The following CD96 variants were observed in gnomAD, a reference collection of about 807,000 sequenced individuals.
The protein encoded by CD96 is T-cell surface protein tactile.
Under a neutral mutation model 71.3 loss-of-function variants are expected in CD96, and 70 were observed. The ratio of observed to expected loss-of-function variants is 0.98; its 90% confidence interval spans 0.81 to 1.20. CD96 has a LOEUF of 1.20. Ranked by LOEUF, CD96 falls within the 50% of genes most tolerant of loss-of-function variation. CD96 has a pLI of 0.00. For missense variants in CD96, 742 were observed against 677.5 expected, an observed-to-expected ratio of 1.10 and a Z score of -1.06; for synonymous variants, 248 against 233.0, an observed-to-expected ratio of 1.06 and a Z score of -0.59.
chr3:111,649,931 G>A lies in CD96; in HGVS notation c.*125G>A, dbSNP rs116117825. On this transcript the variant is annotated 3_prime_UTR_variant, in exon 14 of 14. Coordinates refer to ENST00000352690, the MANE Select transcript of CD96 (RefSeq NM_005816.5). ...GCTGCAGCTGAAATGGAAGTCAGAA[G>A]TGAGTGACCTGTTTTCCCAGCAACT... is the stretch of plus-strand genomic sequence containing the variant. The A allele has an allele frequency of 2.6e-3, 1,866 of 731,622 alleles. 20 individuals carry two copies. Among genetic ancestry groups the A allele is most frequent in the African/African-American group, 0.021 (1,242 of 57,980 alleles). 45.3% of individuals were successfully genotyped at this position (731,622 alleles called of 1,614,324 possible). A position where few individuals can be genotyped will look rare whatever the true frequency, so the allele number is the denominator to read the frequency against.
rs1377294159 is a variant in CD96 at position 111,626,325 on chromosome 3, A to AG, written c.1321+1921_1321+1922insG. On this transcript the variant is annotated intron_variant, in intron 10 of 13. Transcript: ENST00000352690. The stretch of plus-strand genomic sequence containing the variant: ...CCGTCTCAAAAAAAAAAAAAAAAAA[A>AG]AAAGAAATGCTCAGTGTCTCTGGTA... 7.2e-4 allele frequency among the ~76,000 whole-genome samples: 109 copies of AG among 151,554 alleles called. 1 individual carries two copies. The highest frequency in any genetic ancestry group is 2.4e-3 in the African/African-American group (99 of 41,392).
intron 12 of CD96, among the ~76,000 whole-genome samples, chr3:111,645,475 T>G (rs970546106): frequency 1.3e-5 from 2 of 152,044 alleles, no homozygotes; most frequent in African/African-American, 4.8e-5. Context: ...ACTAAAGAAC[T>G]TACTCATATA....
intron 3 of CD96, chr3:111,570,760 C>T: frequency 6.2e-7 from 1 of 1,613,594 alleles, no homozygotes; most frequent in Non-Finnish European, 8.5e-7. Flanking sequence ...TCCTCCCCCT[C>T]CTCATCCTCT....
chr3:111,637,942 C>T (rs1939413830), intron 11 of CD96, 137 bp from the exon 12 acceptor site: 2 of 707,304 alleles, frequency 2.8e-6, no homozygotes, highest in Non-Finnish European at 2.6e-6. Context: ...TCTTAATAAA[C>T]TTTACACATA....
intron 13 of CD96, among the ~76,000 whole-genome samples, chr3:111,647,978 A>G (rs1367229719): frequency 6.6e-6 from 1 of 152,172 alleles, no homozygotes; most frequent in Non-Finnish European, 1.5e-5. Flanking sequence ...TTTTTCTTTT[A>G]ATCTTCATTA....
At chr3:111,570,557 C>T (rs1935930896) in intron 3 of CD96, 3 of 1,347,798 alleles carry the variant, frequency 2.2e-6, no homozygotes, top group Middle Eastern at 2.4e-4. Flanking sequence ...CCTGGCCAGA[C>T]ATCAGGGGGC....
chr3:111,617,512 G>T (rs1357813371), intron 8 of CD96, among the ~76,000 whole-genome samples: 2 of 152,184 alleles, frequency 1.3e-5, no homozygotes, highest in East Asian at 3.9e-4. Context: ...GTGGGAGGGA[G>T]CTACCCACTA....
intron 3 of CD96, among the ~76,000 whole-genome samples, chr3:111,576,285 ATCTG>A (rs1472304037): frequency 6.6e-6 from 1 of 152,174 alleles, no homozygotes; most frequent in African/African-American, 2.4e-5. Flanking sequence ...TCTTGCCTCT[ATCTG>A]TCTGTTTCCT....
intron 14 of CD96, among the ~76,000 whole-genome samples, chr3:111,657,428 C>A (rs933902315): frequency 2.7e-5 from 4 of 150,762 alleles, no homozygotes; most frequent in South Asian, 4.2e-4. Flanking sequence ...AAAAAAAAAA[C>A]CTAATTCAAG....
At chr3:111,589,712 A>G (rs1352246785) in intron 5 of CD96, among the ~76,000 whole-genome samples, 2 of 152,218 alleles carry the variant, frequency 1.3e-5, no homozygotes, top group African/African-American at 4.8e-5. Context: ...TGGGGCCTGG[A>G]AAGTCTTAAC....
At chr3:111,594,273 A>G (rs926169610) in intron 5 of CD96, 14 of 1,498,626 alleles carry the variant, frequency 9.3e-6, no homozygotes, top group Non-Finnish European at 1.2e-5. Context: ...CCACAAGATT[A>G]AATATATATT....
chr3:111,610,671 T>G (rs1488754701), intron 8 of CD96, among the ~76,000 whole-genome samples: 3 of 152,182 alleles, frequency 2.0e-5, no homozygotes, highest in African/African-American at 7.2e-5. Context: ...CCCAGCTGCA[T>G]TCTCAGCGCA....
At position 111,600,822 on chromosome 3, in the gene CD96, C is replaced by T. The variant is rs1205748052; in HGVS notation, c.995C>T (p.Ser332Leu). The change falls in exon 7 of 14, where the codon TCA becomes TTA. Residue 332 changes from serine (S) to leucine (L), a missense_variant. Coordinates refer to ENST00000352690, the MANE Select transcript of CD96 (RefSeq NM_005816.5). ...GTACATAGTAATAAACCAGCCCAATCAGACAACTTGACCATTTGGTGTATG... is the reference window on the plus strand; with the variant it reads ...GTACATAGTAATAAACCAGCCCAATTAGACAACTTGACCATTTGGTGTATG... ...TRVHSNKPAQ[S>L]DNLTIWCMAL... is the part of the protein sequence containing the mutation. 1 of 1,612,308 alleles carries T rather than the reference C, an allele frequency of 6.2e-7. No homozygotes were observed. The highest frequency in any genetic ancestry group is 8.5e-7 in the Non-Finnish European group (1 of 1,178,470).
chr3:111,593,649 C>T (rs1452750513), intron 5 of CD96: 1 of 1,606,378 alleles, frequency 6.2e-7, no homozygotes, highest in African/African-American at 1.3e-5. Flanking sequence ...ATGGCCCTTT[C>T]CACCTCCTCC....
chr3:111,547,769 G>C (rs1312530823), intron 2 of CD96, among the ~76,000 whole-genome samples: 11 of 152,146 alleles, frequency 7.2e-5, no homozygotes, highest in Non-Finnish European at 1.6e-4. Context: ...ATCTGGATCA[G>C]ATGAAAAGCA....
chr3:111,574,517 A>G (rs1936134638), intron 3 of CD96, among the ~76,000 whole-genome samples: 1 of 152,190 alleles, frequency 6.6e-6, no homozygotes, highest in Admixed American at 6.5e-5. Flanking sequence ...TTCTAGTTCA[A>G]AAACAAAGCC....
intron 2 of CD96, among the ~76,000 whole-genome samples, chr3:111,548,351 TA>T (rs975881578): frequency 1.3e-5 from 2 of 152,210 alleles, no homozygotes; most frequent in African/African-American, 4.8e-5. Flanking sequence ...CTTTTCACAA[TA>T]TTTTGTCTCT....
At chr3:111,547,698 G>A (rs934199347) in intron 2 of CD96, among the ~76,000 whole-genome samples, 4 of 152,136 alleles carry the variant, frequency 2.6e-5, no homozygotes, top group Non-Finnish European at 5.9e-5. Context: ...GGCAGAAACC[G>A]TATCTATACT....
chr3:111,664,729 A>G (rs988934615), intron 14 of CD96, among the ~76,000 whole-genome samples: 2 of 152,364 alleles, frequency 1.3e-5, no homozygotes, highest in African/African-American at 2.4e-5. Context: ...AAATGTCAAT[A>G]TAAAGAAAGG....
Sources: gnomAD v4.1 joint callset for allele counts (sites outside exome capture counted in the v4.1 genomes callset) on GRCh38, gnomAD v4.1.1 for gene constraint, MANE v1.5 for transcripts, NCBI Gene and HGNC (gene_info 2026-07-23, HGNC 2026-07-21) for gene names.